Variants in TSC22D2 observed in about 807,000 individuals in gnomAD.
TSC22D2 encodes the protein TSC22 domain family member 2, also known as TSC22 domain family protein 2.
TSC22D2 carries 5 observed loss-of-function variants against 50.1 expected under a neutral mutation model. The observed-to-expected ratio is 0.10, with a 90% confidence interval of 0.05 to 0.21. The LOEUF (loss-of-function observed/expected upper bound fraction) is 0.21, where lower values mean the gene tolerates loss of function less well. TSC22D2 is among the 10% of genes least tolerant of loss of function. TSC22D2 has a pLI of 1.00. For synonymous variants in TSC22D2, 501 were observed against 450.1 expected (o/e 1.11, Z -1.43); for missense variants, 1,003 against 1,015.5 (o/e 0.99, Z 0.17).
At chr3:150,419,161 T>G (rs967308488) in intron 1 of TSC22D2, among the ~76,000 whole-genome samples, 2 of 152,094 alleles carry the variant, frequency 1.3e-5, no homozygotes, top group African/African-American at 4.8e-5. Flanking sequence ...TCCAACAATT[T>G]GTAAGAAAGT....
chr3:150,409,329 C>G lies in TSC22D2; in HGVS notation c.-22C>G, dbSNP rs375548894. The G allele has an allele frequency of 8.9e-4, 1,395 of 1,572,270 alleles. 2 individuals are homozygous for G. Among genetic ancestry groups the G allele is most frequent in the Non-Finnish European group, 1.2e-3 (1,332 of 1,154,028 alleles). On this transcript the variant is annotated 5_prime_UTR_variant, in exon 1 of 3. Transcript: ENST00000688009. This position sits in a 1 kb window ranked among gnomAD's most constrained non-coding sequence, Gnocchi z 7.4. ...GACCCAGAGGAGCCGGCGTGCCTCT[C>G]TGCCCTCCAGCCTTCTTCACCATGT...
chr3:150,440,681 ACCT>A (rs1576552568), intron 1 of TSC22D2, among the ~76,000 whole-genome samples: 2 of 147,722 alleles, frequency 1.4e-5, no homozygotes, highest in South Asian at 2.1e-4. Flanking sequence ...ATTCTGAGAA[ACCT>A]CCTTTTTTGC....
At chr3:150,417,405 G>A (rs752798262) in intron 1 of TSC22D2, among the ~76,000 whole-genome samples, 1 of 152,030 alleles carries the variant, frequency 6.6e-6, no homozygotes, top group Admixed American at 6.6e-5. Context: ...TTGGCATACC[G>A]TCTACCTAGT....
At chr3:150,433,206 TA>T (rs1720433747) in intron 1 of TSC22D2, among the ~76,000 whole-genome samples, 1 of 152,256 alleles carries the variant, frequency 6.6e-6, no homozygotes, top group East Asian at 1.9e-4. Flanking sequence ...TTATAAATAC[TA>T]AAAGATTTGG....
In TSC22D2 at chr3:150,459,544, G is replaced by C. The variant is rs1225255862; in HGVS notation, c.*908G>C. ...ACTTTGTAACCAAAGAAGCAAAGCT[G>C]TGTAATGGAGTTTGGTTTTTTTTTG... is the stretch of plus-strand genomic sequence containing the variant. On this transcript the variant is annotated 3_prime_UTR_variant, in exon 3 of 3. Transcript: ENST00000688009. 1 of 144,952 alleles carries C rather than the reference G, an allele frequency of 6.9e-6. No individual in the cohort carries two copies. Among genetic ancestry groups the C allele is most frequent in the African/African-American group, 2.6e-5 (1 of 39,162 alleles). The allele number at this position is 144,952 out of a possible 1,614,324, so 9.0% of individuals were successfully genotyped here. A position where few individuals can be genotyped will look rare whatever the true frequency, so the allele number is the denominator to read the frequency against.
chr3:150,432,034 G>A (rs927540717), intron 1 of TSC22D2, among the ~76,000 whole-genome samples: 3 of 152,070 alleles, frequency 2.0e-5, no homozygotes, highest in Non-Finnish European at 4.4e-5. Flanking sequence ...TGTCTGCTGC[G>A]AGATTTTTAA....
At chr3:150,437,009 C>T (rs1264420592) in intron 1 of TSC22D2, among the ~76,000 whole-genome samples, 1 of 152,092 alleles carries the variant, frequency 6.6e-6, no homozygotes, top group African/African-American at 2.4e-5. Flanking sequence ...TTCTTTCCCC[C>T]ATCCCTTCCA....
At position 150,461,579 on chromosome 3, in the gene TSC22D2, G is replaced by A. The variant is rs969042679; in HGVS notation, c.*2943G>A. 1 of 152,130 alleles carries A rather than the reference G, an allele frequency of 6.6e-6. No individual in the cohort carries two copies. Among genetic ancestry groups the A allele is most frequent in the African/African-American group, 2.4e-5 (1 of 41,420 alleles). 9.4% of individuals were successfully genotyped at this position (152,130 alleles called of 1,614,324 possible). A position where few individuals can be genotyped will look rare whatever the true frequency, so the allele number is the denominator to read the frequency against. On this transcript the variant is annotated 3_prime_UTR_variant, in exon 3 of 3. Coordinates refer to ENST00000688009, the MANE Select transcript of TSC22D2 (RefSeq NM_001303264.2). ...CCCCAAATAAAATTTAGTTTGTTCC[G>A]ATGTGATCTCACAGCTTGCCACACC...
chr3:150,409,923 C>T lies in TSC22D2; in HGVS notation c.573C>T (p.Asp191=), dbSNP rs774510498. ...TGGAATACTATGAGAGGGATTCAGA[C>T]AGCAGCGTCCTGACTAGATCCGGGG... ...TCMEYYERDS[D]SSVLTRSGDC... is the part of the protein sequence containing the mutation. The change falls in exon 1 of 3, where the codon GAC becomes GAT. Residue 191 remains aspartate, a synonymous_variant. Transcript: ENST00000688009. The surrounding 1 kb of genome is among the most constrained non-coding windows in gnomAD (Gnocchi z 7.4). 2 of 1,613,840 alleles carry T rather than the reference C, an allele frequency of 1.2e-6. No homozygotes were observed. The highest frequency in any genetic ancestry group is 1.1e-5 in the South Asian group (1 of 91,094).
chr3:150,458,010 T>C (rs1235022874), intron 2 of TSC22D2, among the ~76,000 whole-genome samples: 1 of 152,198 alleles, frequency 6.6e-6, no homozygotes, highest in Non-Finnish European at 1.5e-5. Context: ...AGCAGTACTA[T>C]GACTAGTTTA....
chr3:150,439,858 A>G (rs531105568), intron 1 of TSC22D2, among the ~76,000 whole-genome samples: 4 of 152,324 alleles, frequency 2.6e-5, no homozygotes, highest in African/African-American at 9.6e-5. Flanking sequence ...CTGGGTTACT[A>G]TAAATGCCCA....
intron 1 of TSC22D2, among the ~76,000 whole-genome samples, chr3:150,438,789 A>G (rs1720627993): frequency 6.6e-6 from 1 of 152,148 alleles, no homozygotes. Flanking sequence ...ATTTCTTAAT[A>G]AAAGACATGT....
intron 1 of TSC22D2, among the ~76,000 whole-genome samples, chr3:150,456,170 GTTTC>G (rs1375345765): frequency 7.6e-6 from 1 of 131,544 alleles, no homozygotes. Flanking sequence ...CCAGAATGTT[GTTTC>G]TTTTTGTTTT....
Position 150,409,977 on chromosome 3 carries a change from C to A in TSC22D2, c.627C>A (p.Asp209Glu). The change falls in exon 1 of 3, where the codon GAC (aspartate) becomes GAA (glutamate). Residue 209 changes from aspartate (D) to glutamate (E), a missense_variant. Physicochemically the swap from Asp to Glu is conservative, Grantham distance 45. Transcript: ENST00000688009. This position sits in a 1 kb window ranked among gnomAD's most constrained non-coding sequence, Gnocchi z 7.4. ...GCATTAGACACAGCAGTACTTTTGA[C>A]CAGACTGCGGAGCGGGACAGCGGCC... is the stretch of plus-strand genomic sequence containing the variant. ...GDCIRHSSTF[D>E]QTAERDSGLG... 6.2e-7 allele frequency: 1 copy of A among 1,613,898 alleles called. No individual in the cohort carries two copies. Among genetic ancestry groups the A allele is most frequent in the Non-Finnish European group, 8.5e-7 (1 of 1,180,040 alleles).
rs755502514 is a variant in TSC22D2, at chr3:150,410,630, T to G, written c.1280T>G (p.Met427Arg). 27 of 1,554,376 alleles carry G rather than the reference T, an allele frequency of 1.7e-5. No individual in the cohort carries two copies. The highest frequency in any genetic ancestry group is 5.8e-5 in the Admixed American group (3 of 52,058). The change falls in exon 1 of 3, where the codon ATG becomes AGG. Residue 427 changes from methionine to arginine, a missense_variant. By Grantham distance (91) the Met-to-Arg change is moderately conservative (BLOSUM62 -1). Around this residue, in one of 6 missense-constraint regions of TSC22D2, gnomAD observed 696 missense variants for 647.8 expected, o/e 1.07. Transcript: ENST00000688009. ...GCTTCCTCGGTGGGCGCGCAGCTCA[T>G]GGGCGCGTCTTCCCAGCCCAGCGAA... Reference protein sequence around the residue: ...QNASSVGAQLMGASSQPSEAM... With the variant: ...QNASSVGAQLRGASSQPSEAM...
chr3:150,418,106 A>G (rs951607218), intron 1 of TSC22D2, among the ~76,000 whole-genome samples: 87 of 152,188 alleles, frequency 5.7e-4, no homozygotes, highest in African/African-American at 2.0e-3. Context: ...TTGTGTGGCA[A>G]TAAATGAAGT....
intron 1 of TSC22D2, among the ~76,000 whole-genome samples, chr3:150,449,030 G>A (rs1376027): frequency 0.15 from 22,608 of 151,954 alleles, 1,877 homozygotes; most frequent in Non-Finnish European, 0.2. Flanking sequence ...TCGCTGTACT[G>A]GGAGCTATAA....
chr3:150,429,555 T>C (rs1011048480), intron 1 of TSC22D2, among the ~76,000 whole-genome samples: 2 of 152,142 alleles, frequency 1.3e-5, no homozygotes, highest in Non-Finnish European at 2.9e-5. Context: ...AAATTGATGC[T>C]CTCAAAATAT....
intron 1 of TSC22D2, among the ~76,000 whole-genome samples, chr3:150,450,427 C>T (rs942588679): frequency 1.3e-5 from 2 of 151,610 alleles, no homozygotes; most frequent in Non-Finnish European, 2.9e-5. Flanking sequence ...TGTGTTACTG[C>T]TAATAATAAT....
Sources: gnomAD v4.1 joint callset for allele counts (sites outside exome capture counted in the v4.1 genomes callset) on GRCh38, gnomAD v4.1.1 for gene constraint, gnomAD v4.1.1 regional missense constraint, Gnocchi (gnomAD v3.1) non-coding constraint, MANE v1.5 for transcripts, NCBI Gene and HGNC (gene_info 2026-07-23, HGNC 2026-07-21) for gene names.